ABHD2: variants seen among roughly 807,000 people sequenced by gnomAD.
ABHD2 encodes the protein abhydrolase domain containing 2, acylglycerol lipase.
Under a neutral mutation model 48.1 loss-of-function variants are expected in ABHD2, and 20 were observed. The observed-to-expected ratio is 0.42, with a 90% CI of 0.29 to 0.60. The LOEUF (loss-of-function observed/expected upper bound fraction) is 0.60, where lower values mean the gene tolerates loss of function less well. Ranked by LOEUF, ABHD2 falls within the 20% of genes least tolerant of loss-of-function variation. The probability of loss-of-function intolerance (pLI) is 0.24; values close to 1 mark genes in which losing one functional copy is unlikely to be tolerated. For synonymous variants in ABHD2, 209 were observed against 214.2 expected (o/e 0.98, Z 0.21); for missense variants, 405 against 550.9 (o/e 0.74, Z 2.65).
At chr15:89,112,244 T>C (rs1410982453) in intron 1 of ABHD2, among the ~76,000 whole-genome samples, 2 of 152,236 alleles carry the variant, frequency 1.3e-5, no homozygotes, top group African/African-American at 4.8e-5. Flanking sequence ...CCAAATCTTC[T>C]GATTTTGTTT....
At chr15:89,054,999 G>A in the ABHD2 span, among the ~76,000 whole-genome samples, 1 of 152,080 alleles carries the variant, frequency 6.6e-6, no homozygotes, top group African/African-American at 2.4e-5. Context: ...GCTGAGGTTG[G>A]AGGATCACTT....
chr15:89,101,599 C>T (rs1175143986), intron 1 of ABHD2, among the ~76,000 whole-genome samples: 1 of 152,196 alleles, frequency 6.6e-6, no homozygotes, highest in Non-Finnish European at 1.5e-5. Flanking sequence ...AGAATTTAAA[C>T]ATGAGGACTG....
chr15:89,165,531 T>C (rs1197077278), intron 5 of ABHD2, among the ~76,000 whole-genome samples: 1 of 151,852 alleles, frequency 6.6e-6, no homozygotes. Flanking sequence ...GGCAGGAGGA[T>C]AGCTTGAGGG....
chr15:89,055,460 G>A, the ABHD2 span, among the ~76,000 whole-genome samples: 1 of 151,614 alleles, frequency 6.6e-6, no homozygotes, highest in African/African-American at 2.4e-5. Context: ...AGCCTCTTGA[G>A]TAGCTGGGAC....
intron 10 of ABHD2, among the ~76,000 whole-genome samples, chr15:89,194,335 C>A (rs1247441484): frequency 1.3e-5 from 2 of 151,892 alleles, no homozygotes; most frequent in Non-Finnish European, 2.9e-5. Flanking sequence ...CCCATCTCTA[C>A]TAAAAATACA....
At position 89,097,683 on chromosome 15, in the gene ABHD2, TA is replaced by T. The variant is rs1366058805; in HGVS notation, c.-107+9121del. ...GTTATAACATTCAAAAGGTACAACA[TA>T]GTAAAGAGTGGAAAACTTCCTCCCA... On this transcript the variant is annotated intron_variant, in intron 1 of 10. Coordinates refer to ENST00000352732, the MANE Select transcript of ABHD2 (RefSeq NM_152924.5). This position sits in a 1 kb window ranked among gnomAD's most constrained non-coding sequence, Gnocchi z 4.2. Among the ~76,000 whole-genome samples the T allele has an allele frequency of 1.4e-4, 22 of 152,224 alleles. No individual in the cohort carries two copies. Among genetic ancestry groups the T allele is most frequent in the African/African-American group, 5.3e-4 (22 of 41,468 alleles).
Position 89,196,236 on chromosome 15 carries a change from G to T in ABHD2, c.*813G>T, listed in dbSNP as rs79475253. 6.6e-6 allele frequency: 1 copy of T among 152,116 alleles called. No homozygotes were observed. Among genetic ancestry groups the T allele is most frequent in the African/African-American group, 2.4e-5 (1 of 41,422 alleles). 9.4% of individuals were successfully genotyped at this position (152,116 alleles called of 1,614,324 possible). ...CGTTTTATTGAAATTCATAATCAGG[G>T]GTGTCCTCTAGCTCCCACGGTCTCC... On this transcript the variant is annotated 3_prime_UTR_variant, in exon 11 of 11. Transcript: ENST00000352732.
the ABHD2 span, among the ~76,000 whole-genome samples, chr15:89,068,945 T>G: frequency 8.0e-5 from 12 of 150,806 alleles, no homozygotes; most frequent in Non-Finnish European, 1.8e-4. Flanking sequence ...ATTTTTGTAT[T>G]TTTAGTAGAA....
In ABHD2 at chr15:89,185,320, G is replaced by A. The variant is rs951251942; in HGVS notation, c.723-104G>A. On this transcript the variant is annotated intron_variant, in intron 6 of 10. Coordinates refer to ENST00000352732, the MANE Select transcript of ABHD2 (RefSeq NM_152924.5). The surrounding 1 kb of genome is among the most constrained non-coding windows in gnomAD (Gnocchi z 5.9). Reference sequence around the variant, plus strand: ...ATGCAGAGGCCACAGCCTGAGAGCCGGCCCTCTCCACACAAGCACCTCACC... The same window carrying A: ...ATGCAGAGGCCACAGCCTGAGAGCCAGCCCTCTCCACACAAGCACCTCACC... The A allele has an allele frequency of 1.5e-5, 12 of 786,516 alleles. 1 individual carries two copies. Among genetic ancestry groups the A allele is most frequent in the Middle Eastern group, 3.1e-4 (1 of 3,236 alleles). 48.7% of individuals were successfully genotyped at this position (786,516 alleles called of 1,614,324 possible).
chr15:89,193,915 C>G (rs1159759735), intron 10 of ABHD2, among the ~76,000 whole-genome samples: 1 of 103,066 alleles, frequency 9.7e-6, no homozygotes, highest in Non-Finnish European at 2.0e-5. Flanking sequence ...AGTGAGACTC[C>G]GTCTCAAAAA....
intron 1 of ABHD2, among the ~76,000 whole-genome samples, chr15:89,113,024 C>G (rs1365405314): frequency 2.0e-5 from 3 of 152,204 alleles, no homozygotes; most frequent in Non-Finnish European, 4.4e-5. Context: ...AAACATTGGG[C>G]TGTTTCCCCC....
chr15:89,156,611 G>A (rs969998933), intron 5 of ABHD2, among the ~76,000 whole-genome samples: 5 of 151,566 alleles, frequency 3.3e-5, no homozygotes, highest in South Asian at 2.1e-4. Flanking sequence ...GCTGGCACAC[G>A]CCTGTAATCC....
Position 89,146,355 on chromosome 15 carries a change from CGTGTGTGTGTGTGTGTGT to C in ABHD2, c.195-5295_195-5278del, listed in dbSNP as rs4032279. ...TGAGCTTCATCTGCTCAAAGACGTA[CGTGTGTGTGTGTGTGTGT>C]GTGTGTGTGTGTGTGTGTGTGTGTG... On this transcript the variant is annotated intron_variant, in intron 3 of 10. Coordinates refer to ENST00000352732, the MANE Select transcript of ABHD2 (RefSeq NM_152924.5). The surrounding 1 kb of genome is among the most constrained non-coding windows in gnomAD (Gnocchi z 4.2). 0.02 allele frequency among the ~76,000 whole-genome samples: 2,391 copies of C among 121,646 alleles called. 67 individuals carry two copies. The highest frequency in any genetic ancestry group is 0.069 in the African/African-American group (2,197 of 31,920). The allele number at this position is 121,646 out of a possible 152,430, so 79.8% of individuals were successfully genotyped here. A position where few individuals can be genotyped will look rare whatever the true frequency, so the allele number is the denominator to read the frequency against.
At chr15:89,052,281 T>A in the ABHD2 span, among the ~76,000 whole-genome samples, 1 of 152,050 alleles carries the variant, frequency 6.6e-6, no homozygotes, top group African/African-American at 2.4e-5. Flanking sequence ...ATTTGAGAAA[T>A]CATAAAGCTG....
In ABHD2 at chr15:89,176,988, A is replaced by G. The variant is rs527475661; in HGVS notation, c.722+993A>G. Among the ~76,000 whole-genome samples the G allele has an allele frequency of 2.6e-5, 4 of 152,302 alleles. No homozygotes were observed. The East Asian group carries it at 7.7e-4, about 29-fold the overall frequency. Reference sequence around the variant, plus strand: ...ATCTATATTATTTCTAAAAATACATATTACTGGAATTTAAAGCCAGCACAC... The same window carrying G: ...ATCTATATTATTTCTAAAAATACATGTTACTGGAATTTAAAGCCAGCACAC... On this transcript the variant is annotated intron_variant, in intron 6 of 10. Coordinates refer to ENST00000352732, the MANE Select transcript of ABHD2 (RefSeq NM_152924.5). The surrounding 1 kb of genome is among the most constrained non-coding windows in gnomAD (Gnocchi z 4.5).
chr15:89,145,062 G>GCCTGGCCAA (rs2050468838), intron 3 of ABHD2, among the ~76,000 whole-genome samples: 1 of 152,168 alleles, frequency 6.6e-6, no homozygotes, highest in African/African-American at 2.4e-5. Context: ...TTTGAGACCA[G>GCCTGGCCAA]CCTGGCCAAC....
rs1395014787 is a variant in ABHD2 at position 89,168,045 on chromosome 15, CAG to C, written c.539-7764_539-7763del. On this transcript the variant is annotated intron_variant, in intron 5 of 10. Transcript: ENST00000352732. The surrounding 1 kb of genome is among the most constrained non-coding windows in gnomAD (Gnocchi z 4.8). ...TGGCATGGAACATACAGAGATGACT[CAG>C]AGTCTCCATCCACAAGGAACACCAA... Among the ~76,000 whole-genome samples the C allele has an allele frequency of 1.3e-5, 2 of 152,180 alleles. No homozygotes were observed. The highest frequency in any genetic ancestry group is 2.9e-5 in the Non-Finnish European group (2 of 68,040).
At chr15:89,126,758 C>T (rs762699200) in intron 3 of ABHD2, among the ~76,000 whole-genome samples, 3 of 152,172 alleles carry the variant, frequency 2.0e-5, no homozygotes, top group African/African-American at 7.2e-5. Context: ...CGGCTGTTTA[C>T]GCTTTTCTTT....
chr15:89,118,590 C>T (rs1378452620), intron 3 of ABHD2, among the ~76,000 whole-genome samples: 1 of 152,162 alleles, frequency 6.6e-6, no homozygotes, highest in Admixed American at 6.5e-5. Flanking sequence ...TCATCTCATT[C>T]TTAGAGAGCT....
Sources: allele counts gnomAD v4.1 joint callset (sites outside exome capture counted in the v4.1 genomes callset), GRCh38; gene constraint gnomAD v4.1.1; non-coding constraint Gnocchi (gnomAD v3.1); transcripts MANE v1.5; gene names NCBI Gene and HGNC (gene_info 2026-07-23, HGNC 2026-07-21).